The following TNIK variants were observed in gnomAD, a reference collection of about 807,000 sequenced individuals.
TNIK encodes the protein TRAF2 and NCK-interacting protein kinase.
TNIK carries 49 observed loss-of-function variants against 191.3 expected under a neutral mutation model. That is an observed-to-expected ratio of 0.26 (90% CI 0.20 to 0.32). TNIK has a LOEUF of 0.32. TNIK is among the 10% of genes least tolerant of loss of function. TNIK has a pLI of 1.00. For synonymous variants in TNIK, 594 were observed against 600.9 expected (o/e 0.99, Z 0.17); for missense variants, 1,155 against 1,702.3 (o/e 0.68, Z 5.66).
chr3:171,253,373 G>A (rs1009647483), intron 2 of TNIK, among the ~76,000 whole-genome samples: 1 of 151,834 alleles, frequency 6.6e-6, no homozygotes, highest in African/African-American at 2.4e-5. Context: ...AGGTGCGAAA[G>A]GTCTCTGATT....
intron 2 of TNIK, among the ~76,000 whole-genome samples, chr3:171,283,061 CT>C (rs1750645461): frequency 6.6e-6 from 1 of 152,010 alleles, no homozygotes; most frequent in East Asian, 1.9e-4. Flanking sequence ...AAAACGTGAC[CT>C]TTATCAAGGA....
chr3:171,255,293 T>C (rs1746716119), intron 2 of TNIK, among the ~76,000 whole-genome samples: 2 of 152,180 alleles, frequency 1.3e-5, no homozygotes, highest in Non-Finnish European at 1.5e-5. Context: ...CCAAAAAGAT[T>C]CTTGAAAATC....
chr3:171,455,395 C>A (rs1176066373), intron 1 of TNIK, among the ~76,000 whole-genome samples: 1 of 151,700 alleles, frequency 6.6e-6, no homozygotes, highest in African/African-American at 2.4e-5. Context: ...AGGCACACAC[C>A]ACCACACTGA....
chr3:171,090,577 T>C (rs1721938011), intron 23 of TNIK, among the ~76,000 whole-genome samples: 1 of 152,054 alleles, frequency 6.6e-6, no homozygotes, highest in South Asian at 2.1e-4. Flanking sequence ...TGTACAAAGG[T>C]CCATGGAGTC....
At chr3:171,347,221 GAA>G (rs3082367) in intron 2 of TNIK, 2,187 of 1,399,818 alleles carry the variant, frequency 1.6e-3, no homozygotes, top group Admixed American at 3.6e-3. Flanking sequence ...TTCATTTGCT[GAA>G]AAAAAAAAAA....
chr3:171,107,581 C>G (rs1260367294), intron 20 of TNIK, among the ~76,000 whole-genome samples: 1 of 152,116 alleles, frequency 6.6e-6, no homozygotes. Flanking sequence ...AAGCTGGATG[C>G]TAAGTTGTTA....
At chr3:171,247,724 A>G (rs1388293252) in intron 2 of TNIK, among the ~76,000 whole-genome samples, 1 of 152,214 alleles carries the variant, frequency 6.6e-6, no homozygotes, top group Admixed American at 6.5e-5. Flanking sequence ...TTCAGGAAGG[A>G]GGATGTGATG....
chr3:171,083,857 CCACT>C (rs1720996305), intron 26 of TNIK, among the ~76,000 whole-genome samples: 1 of 152,126 alleles, frequency 6.6e-6, no homozygotes, highest in African/African-American at 2.4e-5. Flanking sequence ...TTTGCTTTGC[CCACT>C]CAATGTATTC....
At chr3:171,286,380 A>G (rs764580745) in intron 2 of TNIK, among the ~76,000 whole-genome samples, 3 of 152,154 alleles carry the variant, frequency 2.0e-5, no homozygotes, top group Non-Finnish European at 4.4e-5. Context: ...GTCTTCCCAT[A>G]CTTCTCCACA....
intron 2 of TNIK, among the ~76,000 whole-genome samples, chr3:171,299,931 A>G (rs1752708252): frequency 6.6e-6 from 1 of 152,214 alleles, no homozygotes; most frequent in Non-Finnish European, 1.5e-5. Context: ...AACCAGAAAC[A>G]CCTATCACAG....
At chr3:171,345,663 G>C (rs777515981) in intron 2 of TNIK, among the ~76,000 whole-genome samples, 1 of 152,094 alleles carries the variant, frequency 6.6e-6, no homozygotes, top group East Asian at 1.9e-4. Flanking sequence ...AAAAACACCA[G>C]GGAACTCAGT....
chr3:171,092,392 A>G (rs1722193401), intron 23 of TNIK, among the ~76,000 whole-genome samples: 1 of 152,134 alleles, frequency 6.6e-6, no homozygotes, highest in African/African-American at 2.4e-5. Context: ...TGTCATAAAG[A>G]CTCAAGCAAA....
At chr3:171,275,060 A>G (rs1008236957) in intron 2 of TNIK, among the ~76,000 whole-genome samples, 4 of 152,010 alleles carry the variant, frequency 2.6e-5, no homozygotes, top group African/African-American at 4.8e-5. Flanking sequence ...CCAACTAATA[A>G]TCTCTCTTTT....
intron 2 of TNIK, among the ~76,000 whole-genome samples, chr3:171,238,058 C>T (rs886248052): frequency 6.6e-6 from 1 of 152,166 alleles, no homozygotes; most frequent in Admixed American, 6.6e-5. Context: ...ATCTCTCCCC[C>T]TCCAACAGAT....
At chr3:171,161,166 TG>T in intron 11 of TNIK, 103 bp downstream of exon 11, 2 of 1,173,630 alleles carry the variant, frequency 1.7e-6, no homozygotes, top group Non-Finnish European at 2.4e-6. Flanking sequence ...AAGACCACCC[TG>T]GTGGATTCTT....
At chr3:171,085,069 A>G (rs1451076131) in intron 25 of TNIK, 49 bp downstream of exon 25, 1 of 1,471,796 alleles carries the variant, frequency 6.8e-7, no homozygotes, top group Non-Finnish European at 9.3e-7. Context: ...AGGTCATACC[A>G]GAAAGGAAGA....
chr3:171,171,995 A>G (rs1183809245), intron 9 of TNIK, among the ~76,000 whole-genome samples: 1 of 152,098 alleles, frequency 6.6e-6, no homozygotes. Context: ...ATCCCATACC[A>G]CAAAGGCCTC....
At chr3:171,265,799 G>A (rs1748316646) in intron 2 of TNIK, among the ~76,000 whole-genome samples, 1 of 152,202 alleles carries the variant, frequency 6.6e-6, no homozygotes, top group South Asian at 2.1e-4. Flanking sequence ...CAGTGGTTGA[G>A]TCCTAAGGAG....
chr3:171,106,747 A>T (rs746824893), intron 21 of TNIK: 1 of 535,394 alleles, frequency 1.9e-6, no homozygotes, highest in Non-Finnish European at 3.8e-6. Flanking sequence ...CACAAAATTA[A>T]TCTAACAATA....
Sources: gnomAD v4.1 joint callset for allele counts (sites outside exome capture counted in the v4.1 genomes callset) on GRCh38, gnomAD v4.1.1 for gene constraint, MANE v1.5 for transcripts, NCBI Gene and HGNC (gene_info 2026-07-23, HGNC 2026-07-21) for gene names.